LRP8: variants seen among roughly 807,000 people sequenced by gnomAD.
LRP8 encodes the protein LDL receptor related protein 8, also known as low-density lipoprotein receptor-related protein 8.
Under a neutral mutation model 111.6 loss-of-function variants are expected in LRP8, and 46 were observed. The observed-to-expected ratio is 0.41, with a 90% CI of 0.33 to 0.53. LRP8 has a LOEUF of 0.53. LRP8 is among the 20% of genes least tolerant of loss of function. The pLI is 0.20. For missense variants in LRP8, 959 were observed against 1,297.4 expected (o/e 0.74, Z 4.01); for synonymous variants, 464 against 511.2 (o/e 0.91, Z 1.24).
In LRP8 at chr1:53,246,839, T is replaced by C. The variant is rs1645740730; in HGVS notation, c.*179A>G. The C allele has an allele frequency of 1.7e-6, 1 of 595,248 alleles. No individual in the cohort carries two copies. The highest frequency in any genetic ancestry group is 3.8e-5 in the Admixed American group (1 of 26,014). 36.9% of individuals were successfully genotyped at this position (595,248 alleles called of 1,614,324 possible). ...AAAAACTCTCACATCCTTTGGATGT[T>C]TGCAGTTCATCATAACTTTGTGGTT... On this transcript the variant is annotated 3_prime_UTR_variant, in exon 19 of 19. Transcript: ENST00000306052.
At chr1:53,305,177 G>A (rs944920070) in intron 2 of LRP8, 2 of 152,222 alleles carry the variant, frequency 1.3e-5, no homozygotes, top group Non-Finnish European at 2.9e-5. Flanking sequence ...AAGGAACGCA[G>A]GACTCAAATC....
At chr1:53,281,471 C>T (rs922779341) in intron 3 of LRP8, among the ~76,000 whole-genome samples, 2 of 152,248 alleles carry the variant, frequency 1.3e-5, no homozygotes, top group Admixed American at 1.3e-4. Context: ...GCATCTCAGA[C>T]CTCCGTGGTT....
chr1:53,251,728 G>GA (rs774376832), intron 16 of LRP8, among the ~76,000 whole-genome samples: 1 of 151,732 alleles, frequency 6.6e-6, no homozygotes, highest in Non-Finnish European at 1.5e-5. Flanking sequence ...AGTAAGGCCA[G>GA]AAAAAAATTT....
At chr1:53,313,374 G>A (rs1028161257) in intron 2 of LRP8, among the ~76,000 whole-genome samples, 1 of 152,166 alleles carries the variant, frequency 6.6e-6, no homozygotes, top group Non-Finnish European at 1.5e-5. Context: ...TGGAAACCTA[G>A]CAAGGGGTCA....
chr1:53,267,546 GCCAGATCA>G (rs1024797172), intron 8 of LRP8: 7 of 152,184 alleles, frequency 4.6e-5, no homozygotes, highest in Non-Finnish European at 1.0e-4. Context: ...ATTGGCAGGG[GCCAGATCA>G]CAAAAGGTCC....
rs774894392 is a variant in LRP8 at position 53,255,156 on chromosome 1, T to C, written c.2464A>G (p.Thr822Ala). Reference sequence around the variant, plus strand: ...ATCCCGATAACAGCGGCAGTGACTGTTGAGCCCATCTTACTGTCTTCATTT... The same window carrying C: ...ATCCCGATAACAGCGGCAGTGACTGCTGAGCCCATCTTACTGTCTTCATTT... ...YANEDSKMGS[T>A]VTAAVIGIIV... The change falls in exon 16 of 19, where the codon ACA becomes GCA. Residue 822 changes from threonine (T) to alanine (A), a missense_variant. Thr to Ala is a moderately conservative substitution (Grantham distance 58). This residue lies in a region of LRP8 where 819 missense variants were observed against 1,097.6 expected (regional missense o/e 0.75). Coordinates refer to ENST00000306052, the MANE Select transcript of LRP8 (RefSeq NM_004631.5). The C allele has an allele frequency of 1.2e-6, 2 of 1,613,888 alleles. No individual in the cohort carries two copies. Among genetic ancestry groups the C allele is most frequent in the Non-Finnish European group, 1.7e-6 (2 of 1,179,990 alleles).
chr1:53,305,208 C>A (rs945285356), intron 2 of LRP8: 2 of 152,200 alleles, frequency 1.3e-5, no homozygotes, highest in African/African-American at 4.8e-5. Flanking sequence ...CCCTTACTAG[C>A]TAAGCGACCT....
chr1:53,323,614 C>G (rs1557875771), intron 2 of LRP8, among the ~76,000 whole-genome samples: 1 of 152,254 alleles, frequency 6.6e-6, no homozygotes, highest in Non-Finnish European at 1.5e-5. Context: ...TTTGAAGGTT[C>G]TTTGAGCTGA....
At chr1:53,259,098 T>C (rs562807759) in intron 13 of LRP8, among the ~76,000 whole-genome samples, 35 of 152,222 alleles carry the variant, frequency 2.3e-4, no homozygotes, top group Non-Finnish European at 4.1e-4. Context: ...GAAGCCCTTC[T>C]ACTTTTTCAA....
chr1:53,322,016 C>G (rs2100549481), intron 2 of LRP8, among the ~76,000 whole-genome samples: 1 of 151,806 alleles, frequency 6.6e-6, no homozygotes, highest in East Asian at 1.9e-4. Flanking sequence ...ACCTCGACAT[C>G]TGGCTAAGCA....
chr1:53,315,002 A>G (rs868198469), intron 2 of LRP8, among the ~76,000 whole-genome samples: 2 of 152,148 alleles, frequency 1.3e-5, no homozygotes, highest in Non-Finnish European at 2.9e-5. Context: ...ACCATGCACC[A>G]TGTCACAGGC....
At chr1:53,277,583 G>A (rs1278665283) in intron 4 of LRP8, among the ~76,000 whole-genome samples, 1 of 152,118 alleles carries the variant, frequency 6.6e-6, no homozygotes, top group East Asian at 1.9e-4. Context: ...CGCAGCTCCC[G>A]CCATGCTAGA....
chr1:53,295,196 A>AGG (rs776772233), intron 2 of LRP8, among the ~76,000 whole-genome samples: 38 of 152,198 alleles, frequency 2.5e-4, no homozygotes, highest in Non-Finnish European at 4.0e-4. Context: ...TTCCCAGAGG[A>AGG]GGGGCACTGT....
intron 2 of LRP8, among the ~76,000 whole-genome samples, chr1:53,313,205 T>C (rs564635749): frequency 6.6e-6 from 1 of 152,348 alleles, no homozygotes; most frequent in African/African-American, 2.4e-5. Flanking sequence ...CGTGGCCTGC[T>C]TTCCCATCTG....
At chr1:53,277,289 A>G (rs572777224) in intron 4 of LRP8, among the ~76,000 whole-genome samples, 1 of 152,280 alleles carries the variant, frequency 6.6e-6, no homozygotes, top group African/African-American at 2.4e-5. Flanking sequence ...GCCCTTTGTG[A>G]GCCCCCCAGG....
At chr1:53,263,102 C>T (rs765642566) in intron 10 of LRP8, among the ~76,000 whole-genome samples, 16 of 152,174 alleles carry the variant, frequency 1.1e-4, no homozygotes, top group Non-Finnish European at 1.8e-4. Context: ...CTCCTGGGAC[C>T]CTGACGATCC....
At chr1:53,297,094 T>C (rs1649872924) in intron 2 of LRP8, among the ~76,000 whole-genome samples, 1 of 152,126 alleles carries the variant, frequency 6.6e-6, no homozygotes, top group South Asian at 2.1e-4. Context: ...TCCCTGGACA[T>C]GTGATGTTCC....
At chr1:53,315,245 A>G (rs1176038456) in intron 2 of LRP8, among the ~76,000 whole-genome samples, 1 of 152,098 alleles carries the variant, frequency 6.6e-6, no homozygotes, top group Non-Finnish European at 1.5e-5. Flanking sequence ...AAAGGGAGAT[A>G]AAGGAGTCTT....
At chr1:53,298,757 G>A (rs1349726787) in intron 2 of LRP8, among the ~76,000 whole-genome samples, 1 of 152,346 alleles carries the variant, frequency 6.6e-6, no homozygotes, top group Middle Eastern at 3.4e-3. Flanking sequence ...CAGGCCCCCT[G>A]GGGCTGATGG....
Sources: gnomAD v4.1 joint callset for allele counts (sites outside exome capture counted in the v4.1 genomes callset) on GRCh38, gnomAD v4.1.1 for gene constraint, gnomAD v4.1.1 regional missense constraint, MANE v1.5 for transcripts, NCBI Gene and HGNC (gene_info 2026-07-23, HGNC 2026-07-21) for gene names.